The following ST6GALNAC3 variants were observed in gnomAD, a reference collection of about 807,000 sequenced individuals.
ST6GALNAC3 encodes the protein alpha-N-acetylgalactosaminide alpha-2,6-sialyltransferase 3.
A neutral mutation model predicts 32.7 loss-of-function variants in ST6GALNAC3; 25 were observed. The observed-to-expected ratio is 0.76, with a 90% CI of 0.56 to 1.07. ST6GALNAC3 has a LOEUF of 1.07. ST6GALNAC3 is among the 50% of genes least tolerant of loss of function. The pLI is 0.00. For missense variants in ST6GALNAC3, 355 were observed against 382.4 expected, an observed-to-expected ratio of 0.93 and a Z score of 0.60; for synonymous variants, 129 against 133.1, an observed-to-expected ratio of 0.97 and a Z score of 0.21.
intron 1 of ST6GALNAC3, among the ~76,000 whole-genome samples, chr1:76,260,007 TC>T (rs1333596929): frequency 2.0e-5 from 3 of 152,116 alleles, no homozygotes; most frequent in Non-Finnish European, 2.9e-5. Context: ...TTTTTCTTTT[TC>T]TTTTTCTGAC....
chr1:76,620,003 G>A (rs959641931), intron 3 of ST6GALNAC3, among the ~76,000 whole-genome samples: 8 of 152,118 alleles, frequency 5.3e-5, no homozygotes, highest in African/African-American at 1.9e-4. Context: ...CACATGCAGG[G>A]GAATTACCTC....
At chr1:76,503,179 AT>A (rs1195879733) in intron 3 of ST6GALNAC3, among the ~76,000 whole-genome samples, 1 of 152,202 alleles carries the variant, frequency 6.6e-6, no homozygotes, top group Non-Finnish European at 1.5e-5. Context: ...AGCAAGCAGG[AT>A]TTGCCAAAGA....
At chr1:76,364,399 A>G (rs957407581) in intron 2 of ST6GALNAC3, among the ~76,000 whole-genome samples, 3 of 152,064 alleles carry the variant, frequency 2.0e-5, no homozygotes, top group Non-Finnish European at 4.4e-5. Context: ...TAAAAAATAC[A>G]AAAGTTAGCA....
chr1:76,357,805 A>C (rs1447285782), intron 2 of ST6GALNAC3, among the ~76,000 whole-genome samples: 1 of 152,184 alleles, frequency 6.6e-6, no homozygotes, highest in Non-Finnish European at 1.5e-5. Flanking sequence ...TCAATGGCCT[A>C]GTTTTTCAAT....
At chr1:76,429,538 A>G (rs941587997) in intron 3 of ST6GALNAC3, among the ~76,000 whole-genome samples, 3 of 152,026 alleles carry the variant, frequency 2.0e-5, no homozygotes, top group Admixed American at 2.0e-4. Context: ...CCAGACTTTT[A>G]TTTTTCCATC....
At chr1:76,424,172 C>A (rs962561522) in intron 3 of ST6GALNAC3, among the ~76,000 whole-genome samples, 1 of 152,016 alleles carries the variant, frequency 6.6e-6, no homozygotes, top group African/African-American at 2.4e-5. Context: ...TTCCATTGAG[C>A]AAATTTCACT....
At chr1:76,320,310 G>A (rs545176889) in intron 2 of ST6GALNAC3, among the ~76,000 whole-genome samples, 5 of 152,292 alleles carry the variant, frequency 3.3e-5, no homozygotes, top group South Asian at 2.1e-4. Flanking sequence ...GCTGGTAATC[G>A]TCATTGCCTC....
chr1:76,550,982 A>G (rs893184381), intron 3 of ST6GALNAC3, among the ~76,000 whole-genome samples: 2 of 150,206 alleles, frequency 1.3e-5, no homozygotes, highest in Admixed American at 6.6e-5. Context: ...CTGGTCTTGA[A>G]CTCCTGATCT....
At position 76,452,457 on chromosome 1, in the gene ST6GALNAC3, C is replaced by T. The variant is rs146601240; in HGVS notation, c.623+40040C>T. 9.6e-3 allele frequency among the ~76,000 whole-genome samples: 1,466 copies of T among 152,166 alleles called. 12 individuals carry two copies. Among genetic ancestry groups the T allele is most frequent in the African/African-American group, 0.011 (449 of 41,534 alleles). On this transcript the variant is annotated intron_variant, in intron 3 of 4. Coordinates refer to ENST00000328299, the MANE Select transcript of ST6GALNAC3 (RefSeq NM_152996.4). ...ATTGCATTAAGTTATGTCCCTTCTACGCTGATTTTGCTGAGGGTTTTAATT... is the reference window on the plus strand; with the variant it reads ...ATTGCATTAAGTTATGTCCCTTCTATGCTGATTTTGCTGAGGGTTTTAATT...
intron 2 of ST6GALNAC3, among the ~76,000 whole-genome samples, chr1:76,333,392 G>A (rs1647240365): frequency 6.6e-6 from 1 of 152,174 alleles, no homozygotes; most frequent in Admixed American, 6.5e-5. Flanking sequence ...TCAATGACTG[G>A]AAGTATTTGT....
At chr1:76,204,018 C>G (rs1049427030) in intron 1 of ST6GALNAC3, among the ~76,000 whole-genome samples, 3 of 152,112 alleles carry the variant, frequency 2.0e-5, no homozygotes, top group Non-Finnish European at 2.9e-5. Context: ...TTTTATCAAC[C>G]CTTTAATCAA....
intron 2 of ST6GALNAC3, among the ~76,000 whole-genome samples, chr1:76,357,034 C>T (rs1378185792): frequency 6.6e-6 from 1 of 151,586 alleles, no homozygotes; most frequent in Non-Finnish European, 1.5e-5. Flanking sequence ...TTAGTGAATT[C>T]TTACTGTCAA....
Position 76,634,116 on chromosome 1 carries a change from C to A in ST6GALNAC3, c.*5310C>A. On this transcript the variant is annotated 3_prime_UTR_variant, in exon 5 of 5. Coordinates refer to ENST00000328299, the MANE Select transcript of ST6GALNAC3 (RefSeq NM_152996.4). ...CTTTTTTTTGAGTAGAAAACCTCTT[C>A]TTTCTCCACAGATACATCTCTTTTT... 1.0e-6 allele frequency: 1 copy of A among 982,594 alleles called. No homozygotes were observed. Among genetic ancestry groups the A allele is most frequent in the Non-Finnish European group, 1.2e-6 (1 of 828,194 alleles). 60.9% of individuals were successfully genotyped at this position (982,594 alleles called of 1,614,324 possible).
At chr1:76,431,943 G>A (rs1655785321) in intron 3 of ST6GALNAC3, among the ~76,000 whole-genome samples, 1 of 152,098 alleles carries the variant, frequency 6.6e-6, no homozygotes, top group Admixed American at 6.5e-5. Flanking sequence ...TTATAATACA[G>A]AATAGTTTCA....
intron 2 of ST6GALNAC3, among the ~76,000 whole-genome samples, chr1:76,327,033 G>A (rs1647087125): frequency 6.6e-6 from 1 of 151,786 alleles, no homozygotes; most frequent in African/African-American, 2.4e-5. Flanking sequence ...ACCATATTAA[G>A]GAAGAATTCA....
chr1:76,218,231 G>C (rs1194326976), intron 1 of ST6GALNAC3, among the ~76,000 whole-genome samples: 3 of 152,026 alleles, frequency 2.0e-5, no homozygotes, highest in Non-Finnish European at 2.9e-5. Flanking sequence ...ACTTTGAATA[G>C]ACTATCAAAG....
intron 2 of ST6GALNAC3, among the ~76,000 whole-genome samples, chr1:76,342,243 T>C (rs917566340): frequency 2.0e-5 from 3 of 152,176 alleles, no homozygotes; most frequent in Admixed American, 2.0e-4. Context: ...GATTGCTGGG[T>C]AAAATGGTAT....
intron 3 of ST6GALNAC3, among the ~76,000 whole-genome samples, chr1:76,457,095 C>T (rs1657871700): frequency 6.6e-6 from 1 of 151,894 alleles, no homozygotes; most frequent in Non-Finnish European, 1.5e-5. Flanking sequence ...AGTGAACTCC[C>T]ATTCACAATT....
intron 1 of ST6GALNAC3, among the ~76,000 whole-genome samples, chr1:76,138,120 C>T (rs1650063031): frequency 6.6e-6 from 1 of 152,148 alleles, no homozygotes; most frequent in South Asian, 2.1e-4. Context: ...CTCTCAAAGA[C>T]CTAACAGTCT....
Sources: gnomAD v4.1 joint callset for allele counts (sites outside exome capture counted in the v4.1 genomes callset) on GRCh38, gnomAD v4.1.1 for gene constraint, MANE v1.5 for transcripts, NCBI Gene and HGNC (gene_info 2026-07-23, HGNC 2026-07-21) for gene names.